The following SI variants were observed in gnomAD, a reference collection of about 807,000 sequenced individuals.
SI encodes sucrase-isomaltase, intestinal.
Under a neutral mutation model 253.3 loss-of-function variants are expected in SI, and 235 were observed. That is an observed-to-expected ratio of 0.93 (90% CI 0.83 to 1.03). The LOEUF (loss-of-function observed/expected upper bound fraction) is 1.03. Among genes scored for constraint, SI ranks in the 50% least tolerant of loss-of-function variants. The pLI is 0.00. For synonymous variants in SI, 819 were observed against 712.0 expected (o/e 1.15, Z -2.39); for missense variants, 2,442 against 2,211.1 (o/e 1.10, Z -2.09).
chr3:164,992,717 T>G (rs2108128077), intron 41 of SI, among the ~76,000 whole-genome samples: 1 of 151,960 alleles, frequency 6.6e-6, no homozygotes, highest in East Asian at 1.9e-4. Flanking sequence ...TTGCCTAGTA[T>G]ATGATCAACA....
In SI at chr3:165,059,986, T is replaced by G; in HGVS notation, c.1062A>C (p.Gly354=). Residue 354 remains glycine (G), a synonymous_variant, in exon 10 of 48, where the codon GGA becomes GGC. Coordinates refer to ENST00000264382, the MANE Select transcript of SI (RefSeq NM_001041.4). ...TATAATTCCAGCGACTTAGTTGGAA[T>G]CCAAGATTCCAATATGCTGGCATTG... is the stretch of plus-strand genomic sequence containing the variant. ...LPAMPAYWNL[G]FQLSRWNYKS... 1 of 1,612,144 alleles carries G rather than the reference T, an allele frequency of 6.2e-7. No homozygotes were observed. The highest frequency in any genetic ancestry group is 8.5e-7 in the Non-Finnish European group (1 of 1,178,736).
chr3:165,068,954 A>C, intron 4 of SI, 123 bp from the exon 5 acceptor site: 1 of 1,012,808 alleles, frequency 9.9e-7, no homozygotes, highest in Non-Finnish European at 1.5e-6. Context: ...CAATCATGCA[A>C]AAATAAGGAA....
intron 44 of SI, among the ~76,000 whole-genome samples, chr3:164,989,381 AAAGAAAGG>A (rs60829627): frequency 0.2 from 18,816 of 92,024 alleles, 1,713 homozygotes; most frequent in Middle Eastern, 0.27. Context: ...AGGAAGAAAG[AAAGAAAGG>A]AAGAAAGAAA....
At chr3:165,063,816 A>T (rs892014170) in intron 7 of SI, among the ~76,000 whole-genome samples, 1 of 150,722 alleles carries the variant, frequency 6.6e-6, no homozygotes, top group African/African-American at 2.4e-5. Context: ...TTTTAATTAC[A>T]TTAATTTTAA....
chr3:165,002,035 A>G (rs572126499), intron 37 of SI, among the ~76,000 whole-genome samples: 1 of 151,754 alleles, frequency 6.6e-6, no homozygotes, highest in African/African-American at 2.4e-5. Flanking sequence ...ATATTAAAAC[A>G]CAACCTAAGC....
At position 165,063,521 on chromosome 3, in the gene SI, G is replaced by A. The variant is rs747578260; in HGVS notation, c.828C>T (p.Gly276=). The change falls in exon 8 of 48, where the codon GGC becomes GGT. Residue 276 remains glycine (G), a synonymous_variant. Coordinates refer to ENST00000264382, the MANE Select transcript of SI (RefSeq NM_001041.4). The stretch of plus-strand genomic sequence containing the variant: ...CAATACACATAAAGAATGTTTGATG[G>A]CCGTATAAATTATTATTATTCTATA... The part of the protein sequence containing the change: ...LPGDNNNNLY[G]HQTFFMCIED... 27 of 1,517,668 alleles carry A rather than the reference G, an allele frequency of 1.8e-5. No homozygotes were observed. The highest frequency in any genetic ancestry group is 2.3e-5 in the Non-Finnish European group (25 of 1,104,534). The allele number at this position is 1,517,668 out of a possible 1,614,324, so 94.0% of individuals were successfully genotyped here.
rs536273091 is a variant in SI, at chr3:165,014,225, C to T, written c.3999+898G>A. 4.6e-5 allele frequency among the ~76,000 whole-genome samples: 7 copies of T among 152,152 alleles called. No homozygotes were observed. The South Asian group carries it at 1.5e-3, about 32-fold the overall frequency. ...CCTCTCACATTTCATTTAATTGTGT[C>T]TCTCATCATAGATTTTTTTTTGTTG... On this transcript the variant is annotated intron_variant, in intron 33 of 47. Coordinates refer to ENST00000264382, the MANE Select transcript of SI (RefSeq NM_001041.4).
At chr3:165,012,173 A>G (rs147016529) in intron 34 of SI, among the ~76,000 whole-genome samples, 1 of 152,312 alleles carries the variant, frequency 6.6e-6, no homozygotes, top group African/African-American at 2.4e-5. Context: ...TTCAACTTAC[A>G]TGAAGTATCT....
chr3:165,072,101 C>A (rs990452635), intron 3 of SI, among the ~76,000 whole-genome samples: 11 of 151,958 alleles, frequency 7.2e-5, no homozygotes, highest in African/African-American at 2.4e-4. Flanking sequence ...AACCAATTTT[C>A]CAATTTTAAC....
At chr3:165,073,829 A>G (rs1714759869) in intron 3 of SI, among the ~76,000 whole-genome samples, 1 of 152,126 alleles carries the variant, frequency 6.6e-6, no homozygotes, top group South Asian at 2.1e-4. Flanking sequence ...AGATGATTTA[A>G]AGTATACAGG....
chr3:165,015,161 C>A lies in SI; in HGVS notation c.3961G>T (p.Val1321Phe). 8 of 1,613,452 alleles carry A rather than the reference C, an allele frequency of 5.0e-6. No individual in the cohort carries two copies. Among genetic ancestry groups the A allele is most frequent in the Non-Finnish European group, 6.8e-6 (8 of 1,179,600 alleles). The change falls in exon 33 of 48, where the codon GTC becomes TTC. Residue 1321 changes from valine (V) to phenylalanine (F), a missense_variant. Coordinates refer to ENST00000264382, the MANE Select transcript of SI (RefSeq NM_001041.4). Reference protein sequence around the residue: ...FERGQQNDVFVKWPNTNDICW... With the variant: ...FERGQQNDVFFKWPNTNDICW... ...ATGTCATTGGTGTTTGGCCATTTGA[C>A]AAAGACATCATTCTGCTGTCCTCTT...
intron 15 of SI, among the ~76,000 whole-genome samples, chr3:165,048,725 C>T (rs1419202927): frequency 1.3e-5 from 2 of 151,688 alleles, no homozygotes; most frequent in Admixed American, 1.3e-4. Flanking sequence ...TCAAACTATT[C>T]TTCTGCCTCA....
In SI at chr3:165,021,344, G is replaced by C. The variant is rs972992233; in HGVS notation, c.3139C>G (p.Pro1047Ala). ...ATTGGGGTGGTTGGAATGTTTAACG[G>C]TACTGGTACTTCATATCTCTTCTTT... The part of the protein sequence containing the change: ...PQKKRYEVPV[P>A]LNIPTTPIST... The change falls in exon 27 of 48, where the codon CCG (proline) becomes GCG (alanine). Residue 1047 changes from proline to alanine, a missense_variant. Coordinates refer to ENST00000264382, the MANE Select transcript of SI (RefSeq NM_001041.4). 2.5e-6 allele frequency: 4 copies of C among 1,610,490 alleles called. No homozygotes were observed. Among genetic ancestry groups the C allele is most frequent in the Admixed American group, 3.3e-5 (2 of 59,784 alleles).
chr3:165,001,399 A>C (rs1718248197), intron 37 of SI, among the ~76,000 whole-genome samples: 1 of 151,510 alleles, frequency 6.6e-6, no homozygotes, highest in Non-Finnish European at 1.5e-5. Flanking sequence ...AAATTTTCCC[A>C]ACTCACATTT....
rs1251159885 is a variant in SI at position 165,049,164 on chromosome 3, T to C, written c.1678A>G (p.Ser560Gly). The change falls in exon 15 of 48, where the codon AGC becomes GGC. Residue 560 changes from serine (S) to glycine (G), a missense_variant. Transcript: ENST00000264382. ...ATAGCCATGCTGTATCCATAGAGGCTATGAACATCATACTGTTTACCCCAG... is the reference window on the plus strand; with the variant it reads ...ATAGCCATGCTGTATCCATAGAGGCCATGAACATCATACTGTTTACCCCAG... ...QNWGKQYDVHSLYGYSMAIAT... is the reference protein window; with the variant it reads ...QNWGKQYDVHGLYGYSMAIAT... The C allele has an allele frequency of 6.2e-7, 1 of 1,610,556 alleles. No homozygotes were observed. The highest frequency in any genetic ancestry group is 1.1e-5 in the South Asian group (1 of 91,026).
intron 3 of SI, among the ~76,000 whole-genome samples, chr3:165,071,179 T>C (rs182411299): frequency 1.3e-5 from 2 of 152,238 alleles, no homozygotes; most frequent in Admixed American, 1.3e-4. Context: ...ACACGAATTT[T>C]TGGAAAACAT....
chr3:165,051,290 T>C (rs1713415818), intron 13 of SI, among the ~76,000 whole-genome samples: 1 of 152,028 alleles, frequency 6.6e-6, no homozygotes, highest in African/African-American at 2.4e-5. Flanking sequence ...TTAATGGTGC[T>C]CAAGGGAAAA....
At position 164,982,237 on chromosome 3, in the gene SI, A is replaced by T; in HGVS notation, c.5415+6T>A. ...CTTTTGAAAAATATTTTCTTACATTACTTACCATGTTGGTAGTGTCTTCAT... is the reference window on the plus strand; with the variant it reads ...CTTTTGAAAAATATTTTCTTACATTTCTTACCATGTTGGTAGTGTCTTCAT... On this transcript the variant is annotated splice_donor_region_variant and intron_variant, in intron 47 of 47. Transcript: ENST00000264382. 1 of 1,608,488 alleles carries T rather than the reference A, an allele frequency of 6.2e-7. No homozygotes were observed.
intron 15 of SI, 91 bp from the exon 16 acceptor site, chr3:165,047,103 T>C (rs1373473406): frequency 2.9e-6 from 3 of 1,045,002 alleles, no homozygotes; most frequent in Non-Finnish European, 2.8e-6. Flanking sequence ...CAAAGCCATG[T>C]GATATAGTTT....
Sources: allele counts gnomAD v4.1 joint callset (sites outside exome capture counted in the v4.1 genomes callset), GRCh38; gene constraint gnomAD v4.1.1; transcripts MANE v1.5; gene names NCBI Gene and HGNC (gene_info 2026-07-23, HGNC 2026-07-21).